ZMAT4: variants seen among roughly 807,000 people sequenced by gnomAD.
The protein encoded by ZMAT4 is zinc finger matrin-type 4.
Under a neutral mutation model 28.7 loss-of-function variants are expected in ZMAT4, and 17 were observed. The ratio of observed to expected loss-of-function variants is 0.59; its 90% CI spans 0.41 to 0.89. The LOEUF (loss-of-function observed/expected upper bound fraction) is 0.89, where lower values mean the gene tolerates loss of function less well. Ranked by LOEUF, ZMAT4 falls within the 40% of genes least tolerant of loss-of-function variation. ZMAT4 has a pLI of 0.00. For synonymous variants in ZMAT4, 117 were observed against 109.2 expected, an observed-to-expected ratio of 1.07 and a Z score of -0.44; for missense variants, 240 against 283.8, an observed-to-expected ratio of 0.85 and a Z score of 1.11.
chr8:40,801,351 A>AATATATATATATATAT (rs1554559737), intron 2 of ZMAT4, among the ~76,000 whole-genome samples: 4 of 97,256 alleles, frequency 4.1e-5, no homozygotes, highest in African/African-American at 1.5e-4. Flanking sequence ...TAAAAAAAAA[A>AATATATATATATATAT]ATATATATAT....
At chr8:40,762,495 T>TC (rs1812983071) in intron 3 of ZMAT4, among the ~76,000 whole-genome samples, 1 of 151,902 alleles carries the variant, frequency 6.6e-6, no homozygotes, top group South Asian at 2.1e-4. Flanking sequence ...TCTACAAATT[T>TC]TTTTTTTTAA....
chr8:40,649,000 G>A (rs1030365842), intron 5 of ZMAT4, among the ~76,000 whole-genome samples: 48 of 144,210 alleles, frequency 3.3e-4, no homozygotes, highest in African/African-American at 1.1e-3. Context: ...TCGAGACTAG[G>A]AAGAAACTGC....
At chr8:40,865,069 T>C (rs746445224) in intron 1 of ZMAT4, among the ~76,000 whole-genome samples, 1 of 152,196 alleles carries the variant, frequency 6.6e-6, no homozygotes, top group Non-Finnish European at 1.5e-5. Context: ...TAAATCTTAC[T>C]GGCAAATTTT....
At chr8:40,598,845 C>T (rs2118604804) in intron 5 of ZMAT4, among the ~76,000 whole-genome samples, 1 of 152,186 alleles carries the variant, frequency 6.6e-6, no homozygotes, top group African/African-American at 2.4e-5. Flanking sequence ...ATGTAGTTAT[C>T]ACCATAGATT....
intron 5 of ZMAT4, among the ~76,000 whole-genome samples, chr8:40,605,207 CT>C (rs1434596700): frequency 6.6e-6 from 1 of 151,982 alleles, no homozygotes; most frequent in Non-Finnish European, 1.5e-5. Flanking sequence ...TTTGTTATTT[CT>C]TTTCTTTGCT....
intron 6 of ZMAT4, among the ~76,000 whole-genome samples, chr8:40,553,602 G>A (rs1244989731): frequency 6.6e-6 from 1 of 152,114 alleles, no homozygotes; most frequent in Admixed American, 6.6e-5. Flanking sequence ...AGAATTTCAT[G>A]CCTGATATCA....
At chr8:40,600,489 T>C (rs1401561151) in intron 5 of ZMAT4, among the ~76,000 whole-genome samples, 1 of 152,210 alleles carries the variant, frequency 6.6e-6, no homozygotes, top group Non-Finnish European at 1.5e-5. Flanking sequence ...ACTCCTTCTC[T>C]GCTGAGCCAA....
intron 5 of ZMAT4, among the ~76,000 whole-genome samples, chr8:40,650,271 A>G (rs931760377): frequency 6.6e-6 from 1 of 152,048 alleles, no homozygotes; most frequent in Admixed American, 6.6e-5. Flanking sequence ...AGAAATACAA[A>G]CTACCATCAG....
chr8:40,878,035 G>T (rs1403498527), intron 1 of ZMAT4, among the ~76,000 whole-genome samples: 1 of 152,196 alleles, frequency 6.6e-6, no homozygotes, highest in Non-Finnish European at 1.5e-5. Context: ...GGCACCCAGA[G>T]TAATGAAAGA....
chr8:40,624,407 C>A (rs2599640), intron 5 of ZMAT4, among the ~76,000 whole-genome samples: 2 of 151,522 alleles, frequency 1.3e-5, no homozygotes, highest in Non-Finnish European at 2.9e-5. Context: ...CCTCCAGGAC[C>A]GTCAGAAAAT....
intron 5 of ZMAT4, among the ~76,000 whole-genome samples, chr8:40,589,886 C>T (rs933525436): frequency 1.4e-5 from 2 of 144,412 alleles, no homozygotes; most frequent in African/African-American, 5.2e-5. Context: ...TCCCCTTCCC[C>T]TTCCCTTCCC....
chr8:40,736,863 G>A (rs1344729563), intron 3 of ZMAT4, among the ~76,000 whole-genome samples: 1 of 152,052 alleles, frequency 6.6e-6, no homozygotes, highest in Non-Finnish European at 1.5e-5. Flanking sequence ...AGGTACTCAT[G>A]GACTGAAAAT....
At chr8:40,580,675 C>T (rs1804434920) in intron 6 of ZMAT4, among the ~76,000 whole-genome samples, 1 of 151,884 alleles carries the variant, frequency 6.6e-6, no homozygotes, top group Admixed American at 6.6e-5. Flanking sequence ...AATAAGTTTC[C>T]ATTCACTTGG....
At chr8:40,843,564 AAGC>A (rs1816775330) in intron 1 of ZMAT4, among the ~76,000 whole-genome samples, 1 of 152,172 alleles carries the variant, frequency 6.6e-6, no homozygotes, top group African/African-American at 2.4e-5. Context: ...GGTCTTTCTA[AAGC>A]AGCAGCAGCA....
intron 5 of ZMAT4, among the ~76,000 whole-genome samples, chr8:40,599,070 C>T (rs144964160): frequency 6.6e-6 from 1 of 152,054 alleles, no homozygotes; most frequent in South Asian, 2.1e-4. Flanking sequence ...CTGACATTGA[C>T]CCCTATTCTA....
intron 2 of ZMAT4, among the ~76,000 whole-genome samples, chr8:40,812,566 C>A (rs1815363216): frequency 6.6e-6 from 1 of 152,130 alleles, no homozygotes; most frequent in Non-Finnish European, 1.5e-5. Context: ...CTGGGTGGGA[C>A]CCTGGGACAG....
intron 1 of ZMAT4, among the ~76,000 whole-genome samples, chr8:40,828,388 A>C (rs1476763342): frequency 6.6e-6 from 1 of 152,174 alleles, no homozygotes; most frequent in East Asian, 1.9e-4. Flanking sequence ...GGAATCTCCA[A>C]ACTCACTGCA....
intron 5 of ZMAT4, among the ~76,000 whole-genome samples, chr8:40,585,919 G>A (rs1039455813): frequency 6.6e-6 from 1 of 152,124 alleles, no homozygotes; most frequent in African/African-American, 2.4e-5. Flanking sequence ...GCTTGCAATA[G>A]GCATAAATAT....
intron 1 of ZMAT4, among the ~76,000 whole-genome samples, chr8:40,840,743 T>A (rs1816671334): frequency 6.6e-6 from 1 of 152,212 alleles, no homozygotes; most frequent in South Asian, 2.1e-4. Flanking sequence ...TCAATACTGC[T>A]TAATCATATG....
Sources: gnomAD v4.1 joint callset for allele counts (sites outside exome capture counted in the v4.1 genomes callset) on GRCh38, gnomAD v4.1.1 for gene constraint, MANE v1.5 for transcripts, NCBI Gene and HGNC (gene_info 2026-07-23, HGNC 2026-07-21) for gene names.